RANBP2: variants seen among roughly 807,000 people sequenced by gnomAD.
The protein encoded by RANBP2 is E3 SUMO-protein ligase RanBP2.
In RANBP2, 57 loss-of-function variants were observed where a neutral mutation model predicts 303.6. That is an observed-to-expected ratio of 0.19 (90% confidence interval 0.15 to 0.23). The LOEUF (loss-of-function observed/expected upper bound fraction) is 0.23, where lower values mean the gene tolerates loss of function less well. RANBP2 is among the 10% of genes least tolerant of loss of function. The pLI is 1.00. For synonymous variants in RANBP2, 1,167 were observed against 1,301.5 expected (o/e 0.90, Z 2.23); for missense variants, 3,138 against 3,780.8 (o/e 0.83, Z 4.46).
the RANBP2 span, among the ~76,000 whole-genome samples, chr2:109,642,699 G>A: frequency 6.6e-6 from 1 of 152,014 alleles, no homozygotes; most frequent in African/African-American, 2.4e-5. Context: ...CAGTGCTGAA[G>A]GTGAGATATA....
the RANBP2 span, among the ~76,000 whole-genome samples, chr2:109,059,435 T>A: frequency 4.0e-5 from 6 of 151,760 alleles, no homozygotes; most frequent in Non-Finnish European, 7.4e-5. Flanking sequence ...ATTAGCCGGG[T>A]GTGGCGGTGG....
the RANBP2 span, among the ~76,000 whole-genome samples, chr2:109,584,892 G>A: frequency 6.6e-6 from 1 of 152,116 alleles, no homozygotes; most frequent in Admixed American, 6.5e-5. Context: ...TTGCTGAAAT[G>A]CACATTTTAA....
chr2:109,137,432 G>C, the RANBP2 span, among the ~76,000 whole-genome samples: 2 of 152,234 alleles, frequency 1.3e-5, no homozygotes, highest in Non-Finnish European at 2.9e-5. Context: ...TAGTTCTGGA[G>C]CAGATGCTCT....
the RANBP2 span, among the ~76,000 whole-genome samples, chr2:109,297,973 G>A: frequency 2.6e-5 from 4 of 152,160 alleles, no homozygotes; most frequent in African/African-American, 9.7e-5. Flanking sequence ...CCAGGCCAGT[G>A]CCCCAGGCAG....
chr2:109,196,161 G>T, the RANBP2 span, among the ~76,000 whole-genome samples: 1 of 152,246 alleles, frequency 6.6e-6, no homozygotes, highest in Admixed American at 6.5e-5. Flanking sequence ...CACATGGCTG[G>T]TTGGCCATGG....
the RANBP2 span, chr2:109,130,190 A>T: frequency 1.3e-5 from 16 of 1,220,202 alleles, no homozygotes; most frequent in Non-Finnish European, 1.6e-5. Context: ...GGGGGCAGTG[A>T]TGAGGTGCGG....
At chr2:108,994,640 C>T in the RANBP2 span, among the ~76,000 whole-genome samples, 1 of 151,844 alleles carries the variant, frequency 6.6e-6, no homozygotes, top group Non-Finnish European at 1.5e-5. Flanking sequence ...ATTCATCCTT[C>T]CAATAGGCAA....
At chr2:109,163,828 T>A in the RANBP2 span, among the ~76,000 whole-genome samples, 3 of 152,194 alleles carry the variant, frequency 2.0e-5, no homozygotes, top group African/African-American at 4.8e-5. Flanking sequence ...CTCCAAACAA[T>A]GTGTTTTCCA....
At chr2:108,775,180 C>CTGTACT (rs2149309415) in intron 23 of RANBP2, among the ~76,000 whole-genome samples, 1 of 152,246 alleles carries the variant, frequency 6.6e-6, no homozygotes, top group South Asian at 2.1e-4. Context: ...TCTTTTTGAT[C>CTGTACT]TGTACGTTAG....
chr2:109,509,659 A>G, the RANBP2 span, among the ~76,000 whole-genome samples: 1 of 152,014 alleles, frequency 6.6e-6, no homozygotes, highest in African/African-American at 2.4e-5. Flanking sequence ...AACATACATG[A>G]CATGTCCCCT....
At chr2:109,502,965 G>A in the RANBP2 span, 1 of 152,244 alleles carries the variant, frequency 6.6e-6, no homozygotes, top group Non-Finnish European at 1.5e-5. Flanking sequence ...AAGGAGATCA[G>A]GGGGTTGCAG....
chr2:109,028,796 C>T, the RANBP2 span, among the ~76,000 whole-genome samples: 1,308 of 152,246 alleles, frequency 8.6e-3, 17 homozygotes, highest in East Asian at 0.032. Context: ...TAGAGGTCAT[C>T]GGGTCTAAGC....
the RANBP2 span, among the ~76,000 whole-genome samples, chr2:109,474,283 G>C: frequency 7.2e-5 from 11 of 152,198 alleles, no homozygotes; most frequent in African/African-American, 2.4e-4. Flanking sequence ...AAGAGCTGAA[G>C]TTTTGAGCCG....
At chr2:108,818,707 T>C in the RANBP2 span, among the ~76,000 whole-genome samples, 1 of 152,140 alleles carries the variant, frequency 6.6e-6, no homozygotes, top group African/African-American at 2.4e-5. Context: ...TTTTTTGTTA[T>C]CGGACTCTGT....
the RANBP2 span, among the ~76,000 whole-genome samples, chr2:108,803,771 G>T: frequency 3.7e-4 from 56 of 152,244 alleles, 1 homozygote; most frequent in Non-Finnish European, 4.4e-4. Flanking sequence ...ACAGTTGTCA[G>T]TTAGTTGTTT....
At chr2:108,896,979 C>A in the RANBP2 span, 2 of 1,613,840 alleles carry the variant, frequency 1.2e-6, no homozygotes, top group Non-Finnish European at 1.7e-6. Context: ...CACACAAGGA[C>A]TCCACAGCAT....
the RANBP2 span, among the ~76,000 whole-genome samples, chr2:109,484,997 C>T: frequency 6.6e-6 from 1 of 152,224 alleles, no homozygotes; most frequent in Non-Finnish European, 1.5e-5. Context: ...TGAGTTTTTA[C>T]CTCCCCTTCT....
At chr2:108,870,015 T>TA in the RANBP2 span, among the ~76,000 whole-genome samples, 1 of 152,200 alleles carries the variant, frequency 6.6e-6, no homozygotes, top group Middle Eastern at 3.2e-3. Context: ...CTATCTTAAA[T>TA]ATGCTCAATG....
chr2:109,146,326 T>G, the RANBP2 span, among the ~76,000 whole-genome samples: 1 of 152,136 alleles, frequency 6.6e-6, no homozygotes, highest in Non-Finnish European at 1.5e-5. Flanking sequence ...AAGGGATCAT[T>G]CCAGCTTCCC....
Sources: gnomAD v4.1 joint callset for allele counts (sites outside exome capture counted in the v4.1 genomes callset) on GRCh38, gnomAD v4.1.1 for gene constraint, MANE v1.5 for transcripts, NCBI Gene and HGNC (gene_info 2026-07-23, HGNC 2026-07-21) for gene names.